DDX10: variants seen among roughly 807,000 people sequenced by gnomAD.
DDX10 encodes the protein probable ATP-dependent RNA helicase DDX10.
A neutral mutation model predicts 104.3 loss-of-function variants in DDX10; 74 were observed. That is an observed-to-expected ratio of 0.71 (90% CI 0.59 to 0.86). The LOEUF (loss-of-function observed/expected upper bound fraction) is 0.86, where lower values mean the gene tolerates loss of function less well. Among genes scored for constraint, DDX10 ranks in the 40% least tolerant of loss-of-function variants. DDX10 has a pLI of 0.00. For missense variants in DDX10, 952 were observed against 1,040.0 expected (o/e 0.92, Z 1.16); for synonymous variants, 351 against 353.4 (o/e 0.99, Z 0.08).
At chr11:108,892,567 C>G (rs568318697) in intron 16 of DDX10, among the ~76,000 whole-genome samples, 1 of 152,182 alleles carries the variant, frequency 6.6e-6, no homozygotes, top group South Asian at 2.1e-4. Context: ...CCCGTGCAAT[C>G]AGCGTTTTTA....
At position 108,715,888 on chromosome 11, in the gene DDX10, A is replaced by T; in HGVS notation, c.1332A>T (p.Pro444=). ...TCTTTTTGTTACAAAGAATCAATCC[A>T]GAAAAACTTATAGATGTCCAGAAAA... ...KVPVKEIKIN[P]EKLIDVQKKL... is the part of the protein sequence containing the mutation. The change falls in exon 11 of 18, where the codon CCA becomes CCT. Residue 444 remains proline, a synonymous_variant. Coordinates refer to ENST00000322536, the MANE Select transcript of DDX10 (RefSeq NM_004398.4). 6.7e-7 allele frequency: 1 copy of T among 1,502,840 alleles called. No individual in the cohort carries two copies. Among genetic ancestry groups the T allele is most frequent in the Non-Finnish European group, 9.2e-7 (1 of 1,085,728 alleles). The allele number at this position is 1,502,840 out of a possible 1,614,324, so 93.1% of individuals were successfully genotyped here. A position where few individuals can be genotyped will look rare whatever the true frequency, so the allele number is the denominator to read the frequency against.
At position 108,881,479 on chromosome 11, in the gene DDX10, A is replaced by G. The variant is rs141082474; in HGVS notation, c.2304+29270A>G. On this transcript the variant is annotated intron_variant, in intron 16 of 17. Coordinates refer to ENST00000322536, the MANE Select transcript of DDX10 (RefSeq NM_004398.4). The stretch of plus-strand genomic sequence containing the variant: ...TAATCCTTTCAATTCAGTAATATAT[A>G]GATGGTTCCCAACTTAAAGATGGTT... Among the ~76,000 whole-genome samples, 454 of 152,306 alleles carry G rather than the reference A, an allele frequency of 3.0e-3. 4 individuals are homozygous for G. Among genetic ancestry groups the G allele is most frequent in the African/African-American group, 0.01 (422 of 41,568 alleles).
At chr11:108,884,587 C>T (rs992914562) in intron 16 of DDX10, among the ~76,000 whole-genome samples, 4 of 152,310 alleles carry the variant, frequency 2.6e-5, no homozygotes, top group South Asian at 4.1e-4. Flanking sequence ...AGCACTGGAT[C>T]GTATCTCAGC....
chr11:108,860,098 T>G (rs1862920912), intron 16 of DDX10, among the ~76,000 whole-genome samples: 1 of 152,162 alleles, frequency 6.6e-6, no homozygotes, highest in Non-Finnish European at 1.5e-5. Context: ...GCTAGAGAAC[T>G]ATTATAAGAC....
intron 15 of DDX10, 90 bp downstream of exon 15, chr11:108,841,566 T>C (rs1862639295): frequency 1.7e-6 from 2 of 1,191,250 alleles, no homozygotes; most frequent in Non-Finnish European, 2.3e-6. Flanking sequence ...AATAAGTGTA[T>C]TATTTTCTTC....
chr11:108,748,826 A>G (rs554357963), intron 13 of DDX10, among the ~76,000 whole-genome samples: 3 of 152,214 alleles, frequency 2.0e-5, no homozygotes, highest in South Asian at 4.2e-4. Flanking sequence ...GACTATAGGT[A>G]CACACTATCA....
intron 16 of DDX10, among the ~76,000 whole-genome samples, chr11:108,863,070 T>C (rs1477996369): frequency 6.6e-6 from 1 of 152,214 alleles, no homozygotes; most frequent in African/African-American, 2.4e-5. Context: ...ATTCTGGTTA[T>C]TTATTTATTT....
intron 7 of DDX10, chr11:108,690,784 T>C: frequency 3.9e-6 from 1 of 254,782 alleles, no homozygotes; most frequent in Non-Finnish European, 7.9e-6. Flanking sequence ...CTCCAGGGAC[T>C]TGGTCTTCAT....
In DDX10 at chr11:108,707,410, C is replaced by T. The variant is rs148343238; in HGVS notation, c.1322+573C>T. Among the ~76,000 whole-genome samples, 68 of 152,262 alleles carry T rather than the reference C, an allele frequency of 4.5e-4. No homozygotes were observed. In the East Asian group the frequency reaches 0.012, roughly 28 times the overall value. On this transcript the variant is annotated intron_variant, in intron 10 of 17. Transcript: ENST00000322536. ...TTGGCTTCTTTCACTTAGTAGTATG[C>T]ATTTAAGTTTCCTCCATGTCTTTTC...
At chr11:108,677,992 G>C (rs895217315) in intron 4 of DDX10, among the ~76,000 whole-genome samples, 10 of 151,982 alleles carry the variant, frequency 6.6e-5, no homozygotes, top group Admixed American at 6.6e-4. Context: ...AAGAATGAGA[G>C]TGATTCCAGT....
At chr11:108,703,686 A>G (rs2094271847) in intron 9 of DDX10, among the ~76,000 whole-genome samples, 1 of 152,128 alleles carries the variant, frequency 6.6e-6, no homozygotes, top group African/African-American at 2.4e-5. Context: ...TGGGCCTTGA[A>G]TATTGCTTTT....
chr11:108,896,527 A>G (rs182095317), intron 16 of DDX10, among the ~76,000 whole-genome samples: 5 of 152,258 alleles, frequency 3.3e-5, no homozygotes, highest in African/African-American at 1.2e-4. Flanking sequence ...TAACCCATAC[A>G]TGTTTTAGAT....
intron 10 of DDX10, among the ~76,000 whole-genome samples, chr11:108,709,621 G>A (rs2094281289): frequency 6.6e-6 from 1 of 152,088 alleles, no homozygotes; most frequent in Non-Finnish European, 1.5e-5. Context: ...GATTTGTAAT[G>A]ATATTCCTTC....
chr11:108,669,113 A>T (rs1383517543), intron 1 of DDX10, among the ~76,000 whole-genome samples: 4 of 149,208 alleles, frequency 2.7e-5, no homozygotes, highest in Non-Finnish European at 5.9e-5. Flanking sequence ...TTTTTTTTTA[A>T]GATGGAGTCT....
intron 16 of DDX10, among the ~76,000 whole-genome samples, chr11:108,886,468 T>C (rs1863297305): frequency 6.6e-6 from 1 of 152,202 alleles, no homozygotes; most frequent in South Asian, 2.1e-4. Context: ...GAAAATTCAT[T>C]CTTCATACCA....
intron 6 of DDX10, among the ~76,000 whole-genome samples, chr11:108,681,161 A>C (rs889460771): frequency 1.3e-5 from 2 of 152,174 alleles, no homozygotes; most frequent in Non-Finnish European, 2.9e-5. Context: ...AAGACCTTTC[A>C]TAATTTATGC....
intron 16 of DDX10, among the ~76,000 whole-genome samples, chr11:108,865,882 G>C (rs186737323): frequency 1.3e-5 from 2 of 152,256 alleles, no homozygotes; most frequent in East Asian, 3.9e-4. Flanking sequence ...TACCATGATA[G>C]AGAAGTTTTG....
intron 6 of DDX10, among the ~76,000 whole-genome samples, chr11:108,685,667 C>G (rs890641297): frequency 1.4e-4 from 22 of 152,258 alleles, no homozygotes; most frequent in African/African-American, 4.6e-4. Context: ...AGTGGACAGG[C>G]CTTTTTAAAA....
chr11:108,711,388 A>G (rs1220869326), intron 10 of DDX10, among the ~76,000 whole-genome samples: 1 of 152,210 alleles, frequency 6.6e-6, no homozygotes, highest in African/African-American at 2.4e-5. Context: ...GCTGGAGTGC[A>G]GTGGCACGAT....
Sources: gnomAD v4.1 joint callset for allele counts (sites outside exome capture counted in the v4.1 genomes callset) on GRCh38, gnomAD v4.1.1 for gene constraint, MANE v1.5 for transcripts, NCBI Gene and HGNC (gene_info 2026-07-23, HGNC 2026-07-21) for gene names.